The following PLCE1 variants were observed in gnomAD, a reference collection of about 807,000 sequenced individuals.
PLCE1 encodes the protein phospholipase C epsilon 1.
In PLCE1, 119 loss-of-function variants were observed where a neutral mutation model predicts 242.8. That is an observed-to-expected ratio of 0.49 (90% CI 0.42 to 0.57). PLCE1 has a LOEUF of 0.57. PLCE1 is among the 20% of genes least tolerant of loss of function. The pLI, the probability that PLCE1 is intolerant of heterozygous loss-of-function variation, is 0.00. For missense variants in PLCE1, 2,441 were observed against 2,788.8 expected (o/e 0.88, Z 2.81); for synonymous variants, 945 against 1,017.4 (o/e 0.93, Z 1.35).
At chr10:94,059,142 TGG>T (rs2043981172) in intron 2 of PLCE1, among the ~76,000 whole-genome samples, 1 of 152,074 alleles carries the variant, frequency 6.6e-6, no homozygotes, top group South Asian at 2.1e-4. Context: ...ACTAGACATG[TGG>T]AAAGGAAAGA....
At chr10:94,023,953 G>A (rs1326460526) in intron 1 of PLCE1, among the ~76,000 whole-genome samples, 1 of 152,110 alleles carries the variant, frequency 6.6e-6, no homozygotes, top group Non-Finnish European at 1.5e-5. Context: ...AATGTTTTAA[G>A]AGGTTTGTTT....
At chr10:94,166,579 GGT>G (rs56088035) in intron 3 of PLCE1, among the ~76,000 whole-genome samples, 76,230 of 145,652 alleles carry the variant, frequency 0.52, 20,769 homozygotes, top group East Asian at 0.73. Flanking sequence ...AGAGAAAAAA[GGT>G]GTGTGTGTGT....
At chr10:93,995,926 C>G (rs2060810349) in intron 1 of PLCE1, among the ~76,000 whole-genome samples, 1 of 152,210 alleles carries the variant, frequency 6.6e-6, no homozygotes, top group Admixed American at 6.5e-5. Flanking sequence ...ACATTCTTCT[C>G]TGGGCTTTTG....
chr10:94,248,949 C>T (rs1403725754), intron 8 of PLCE1, among the ~76,000 whole-genome samples: 2 of 152,122 alleles, frequency 1.3e-5, no homozygotes, highest in South Asian at 4.1e-4. Context: ...CCAGCTGAGA[C>T]CACGAACGGC....
intron 4 of PLCE1, among the ~76,000 whole-genome samples, chr10:94,201,811 A>T (rs935862852): frequency 6.6e-6 from 1 of 152,218 alleles, no homozygotes; most frequent in Non-Finnish European, 1.5e-5. Flanking sequence ...TATGACAATG[A>T]ATTATGTGAG....
At chr10:94,182,663 T>C (rs1430018903) in intron 4 of PLCE1, among the ~76,000 whole-genome samples, 2 of 152,174 alleles carry the variant, frequency 1.3e-5, no homozygotes, top group Admixed American at 1.3e-4. Context: ...CTCATAGTAC[T>C]ACAAAATGGA....
intron 8 of PLCE1, among the ~76,000 whole-genome samples, chr10:94,249,521 G>A (rs116135346): frequency 2.3e-3 from 352 of 152,200 alleles, no homozygotes; most frequent in African/African-American, 7.4e-3. Flanking sequence ...TCTATAAGAG[G>A]ATTTTTTAAT....
At chr10:94,138,090 C>T (rs917394620) in intron 3 of PLCE1, 8 of 354,870 alleles carry the variant, frequency 2.3e-5, no homozygotes, top group Admixed American at 9.9e-5. Context: ...GGCTCTGTGG[C>T]AAGTTCTGTG....
intron 3 of PLCE1, among the ~76,000 whole-genome samples, chr10:94,167,491 T>C (rs959575615): frequency 9.3e-5 from 14 of 151,246 alleles, no homozygotes; most frequent in South Asian, 8.5e-4. Context: ...AAACAAAGCC[T>C]GGCACATAGT....
At chr10:94,170,039 C>G (rs886216494) in intron 3 of PLCE1, among the ~76,000 whole-genome samples, 6 of 152,166 alleles carry the variant, frequency 3.9e-5, no homozygotes, top group African/African-American at 1.2e-4. Flanking sequence ...TTTAATAATA[C>G]AGACATGAAG....
intron 3 of PLCE1, among the ~76,000 whole-genome samples, chr10:94,133,039 T>G (rs2046656534): frequency 6.6e-6 from 1 of 152,094 alleles, no homozygotes; most frequent in Admixed American, 6.6e-5. Flanking sequence ...TTTAAATGAT[T>G]CAGGCAGGTA....
chr10:94,179,839 A>G (rs2048252504), intron 4 of PLCE1, among the ~76,000 whole-genome samples: 2 of 151,556 alleles, frequency 1.3e-5, no homozygotes, highest in South Asian at 2.1e-4. Context: ...CTAATAATAT[A>G]TCTACCCCAA....
Position 94,293,652 on chromosome 10 carries a change from T to G in PLCE1, c.5167+13T>G. On this transcript the variant is annotated intron_variant, in intron 23 of 32. Coordinates refer to ENST00000371380, the MANE Select transcript of PLCE1 (RefSeq NM_016341.4). ...ACATCTGGAAAAAGTAAAGTCACTT[T>G]CTTACAATATCTTTGCTTGATTCTG... 4 of 1,612,754 alleles carry G rather than the reference T, an allele frequency of 2.5e-6. No individual in the cohort carries two copies. The South Asian group carries it at 3.3e-5, about 13-fold the overall frequency.
chr10:94,088,767 C>T (rs1480845184), intron 2 of PLCE1, among the ~76,000 whole-genome samples: 2 of 151,884 alleles, frequency 1.3e-5, no homozygotes, highest in Non-Finnish European at 2.9e-5. Context: ...ATTTGCTACC[C>T]TTTTTTTTAA....
In PLCE1 at chr10:94,328,972, G is replaced by A. The variant is rs572977380; in HGVS notation, c.*1029G>A. ...TAAAGCAAAAGTAGATTGAGTTGGCGTTTAAATTTATTTTGCAAGGTTTGT... is the reference window on the plus strand; with the variant it reads ...TAAAGCAAAAGTAGATTGAGTTGGCATTTAAATTTATTTTGCAAGGTTTGT... On this transcript the variant is annotated 3_prime_UTR_variant, in exon 33 of 33. Transcript: ENST00000371380. 8.5e-5 allele frequency: 13 copies of A among 152,212 alleles called. No individual in the cohort carries two copies. In the South Asian group the frequency reaches 1.2e-3, roughly 15 times the overall value. The allele number at this position is 152,212 out of a possible 1,614,324, so 9.4% of individuals were successfully genotyped here.
At chr10:94,150,173 G>A (rs1246564993) in intron 3 of PLCE1, among the ~76,000 whole-genome samples, 2 of 152,142 alleles carry the variant, frequency 1.3e-5, no homozygotes, top group Non-Finnish European at 2.9e-5. Flanking sequence ...CTTCCACTAC[G>A]GCCCCGCCGC....
chr10:94,232,940 A>G (rs575604926), intron 5 of PLCE1, among the ~76,000 whole-genome samples: 2 of 152,328 alleles, frequency 1.3e-5, no homozygotes, highest in East Asian at 1.9e-4. Flanking sequence ...ACACAGGTCA[A>G]TGTCCCCAGG....
chr10:94,325,136 G>C, intron 32 of PLCE1, 32 bp downstream of exon 32: 2 of 1,459,336 alleles, frequency 1.4e-6, no homozygotes, highest in Non-Finnish European at 9.6e-7. Context: ...TCCTGGAACA[G>C]GGCTTAACTT....
At chr10:94,221,589 G>A (rs1411174503) in intron 4 of PLCE1, among the ~76,000 whole-genome samples, 3 of 152,208 alleles carry the variant, frequency 2.0e-5, no homozygotes, top group Admixed American at 1.3e-4. Context: ...TACAAAATTA[G>A]CCAGGTGTGG....
Sources: gnomAD v4.1 joint callset for allele counts (sites outside exome capture counted in the v4.1 genomes callset) on GRCh38, gnomAD v4.1.1 for gene constraint, MANE v1.5 for transcripts, NCBI Gene and HGNC (gene_info 2026-07-23, HGNC 2026-07-21) for gene names.